Variants in MED16 observed in about 807,000 individuals in gnomAD.
The protein encoded by MED16 is mediator of RNA polymerase II transcription subunit 16.
In MED16, 81 loss-of-function variants were observed where a neutral mutation model predicts 84.4. The ratio of observed to expected loss-of-function variants is 0.96; its 90% CI spans 0.80 to 1.15. MED16 has a LOEUF of 1.15. Ranked by LOEUF, MED16 falls within the 50% of genes most tolerant of loss-of-function variation. The probability of loss-of-function intolerance (pLI) is 0.00; values close to 1 mark genes in which losing one functional copy is unlikely to be tolerated. For synonymous variants in MED16, 897 were observed against 552.2 expected, an observed-to-expected ratio of 1.62 and a Z score of -8.76; for missense variants, 1,585 against 1,245.9, an observed-to-expected ratio of 1.27 and a Z score of -4.10.
rs78057637 is a variant in MED16, at chr19:872,136, C to A, written c.1906-18G>T. On this transcript the variant is annotated intron_variant, in intron 11 of 15. Transcript: ENST00000325464. Reference sequence around the variant, plus strand: ...AGGGAACCCTGCCCGAAAGAGGCATCGGTGTGGCTGGGGCGGCGGGGGGCA... The same window carrying A: ...AGGGAACCCTGCCCGAAAGAGGCATAGGTGTGGCTGGGGCGGCGGGGGGCA... 2 of 1,566,930 alleles carry A rather than the reference C, an allele frequency of 1.3e-6. No homozygotes were observed. Among genetic ancestry groups the A allele is most frequent in the African/African-American group, 1.4e-5 (1 of 71,948 alleles).
chr19:887,396 G>A (rs749557040), intron 4 of MED16, among the ~76,000 whole-genome samples: 12 of 152,120 alleles, frequency 7.9e-5, no homozygotes, highest in Non-Finnish European at 1.3e-4. Flanking sequence ...GGCCGGACGC[G>A]GTGGCTCACG....
Position 873,330 on chromosome 19 carries a change from CGGGACTCCAACT to C in MED16, c.1905+107_1905+118del, listed in dbSNP as rs2036142443. 48 of 252,352 alleles carry C rather than the reference CGGGACTCCAACT, an allele frequency of 1.9e-4. 1 individual carries two copies. The East Asian group carries it at 5.7e-3, about 30-fold the overall frequency. 15.6% of individuals were successfully genotyped at this position (252,352 alleles called of 1,614,324 possible). On this transcript the variant is annotated intron_variant, in intron 11 of 15. Coordinates refer to ENST00000325464, the MANE Select transcript of MED16 (RefSeq NM_005481.3). ...GTAGGGGCGGGACTCCAAGTAGGGG[CGGGACTCCAACT>C]AGGGGCGGGGCTGAGGTGGTTTTGA... is the stretch of plus-strand genomic sequence containing the variant.
At chr19:891,228 A>C in intron 1 of MED16, 79 bp from the exon 2 acceptor site, 1 of 1,396,324 alleles carries the variant, frequency 7.2e-7, no homozygotes, top group Non-Finnish European at 9.8e-7. Context: ...AGAAGTGGGA[A>C]AACAATGGAG....
intron 10 of MED16, among the ~76,000 whole-genome samples, chr19:875,031 G>A (rs1568322986): frequency 6.6e-6 from 1 of 152,154 alleles, no homozygotes; most frequent in African/African-American, 2.4e-5. Context: ...GGGCGTGGTG[G>A]CACGTGCCTG....
chr19:869,891 G>A (rs923740376), intron 13 of MED16, among the ~76,000 whole-genome samples: 1 of 152,204 alleles, frequency 6.6e-6, no homozygotes, highest in Non-Finnish European at 1.5e-5. Context: ...GCCACTTCCT[G>A]ACCGCGTGAC....
rs79354198 is a variant in MED16, at chr19:868,507, G to T, written c.2400-8C>A. 4.3e-4 allele frequency: 695 copies of T among 1,609,204 alleles called. 4 individuals carry two copies. The East Asian group carries it at 0.01, about 24-fold the overall frequency. The stretch of plus-strand genomic sequence containing the variant: ...ATGGTGACACAGCCGCACCTGCGGG[G>T]AGGCAGGCACTGAGCGGGTTCCCAC... On this transcript the variant is annotated splice_polypyrimidine_tract_variant and splice_region_variant and intron_variant, in intron 14 of 15. Coordinates refer to ENST00000325464, the MANE Select transcript of MED16 (RefSeq NM_005481.3).
intron 6 of MED16, among the ~76,000 whole-genome samples, 192 bp downstream of exon 6, chr19:884,711 A>G (rs1044445269): frequency 1.3e-5 from 2 of 152,150 alleles, no homozygotes; most frequent in African/African-American, 4.8e-5. Flanking sequence ...CTATACGCCT[A>G]ACACACTCAG....
At chr19:889,152 C>A (rs989539247) in intron 4 of MED16, among the ~76,000 whole-genome samples, 2 of 137,848 alleles carry the variant, frequency 1.5e-5, no homozygotes, top group Admixed American at 1.4e-4. Flanking sequence ...TCTTAACTGT[C>A]CCCCCCAACC....
In MED16 at chr19:875,254, G is replaced by A. The variant is rs775669011; in HGVS notation, c.1761C>T (p.Ile587=). 31 of 1,607,264 alleles carry A rather than the reference G, an allele frequency of 1.9e-5. No individual in the cohort carries two copies. In the Middle Eastern group the frequency reaches 1.8e-3, roughly 95 times the overall value. ...GDRLTEICTK[I]TDVDIDKVMI... ...TGGAAAAGGACCCACCGACGTCGGT[G>A]ATCTTGGTGCAGATCTCGGTCAGCC... Residue 587 remains isoleucine, a synonymous_variant, in exon 10 of 16, where the codon ATC becomes ATT. Transcript: ENST00000325464.
At chr19:871,366 C>G (rs1568318697) in intron 12 of MED16, 113 bp from the exon 13 acceptor site, 1 of 1,338,472 alleles carries the variant, frequency 7.5e-7, no homozygotes, top group African/African-American at 1.5e-5. Flanking sequence ...GGCCCCAGCT[C>G]TGTCTGCCTG....
At position 870,969 on chromosome 19, in the gene MED16, G is replaced by A. The variant is rs930539818; in HGVS notation, c.2315+68C>T. ...TGCAGGGAGGGAGCCGTGTGGATTCGGGGGTCCCGGGGCAGGACACGGAGG... is the reference window on the plus strand; with the variant it reads ...TGCAGGGAGGGAGCCGTGTGGATTCAGGGGTCCCGGGGCAGGACACGGAGG... On this transcript the variant is annotated intron_variant, in intron 13 of 15. Transcript: ENST00000325464. 2.5e-5 allele frequency: 34 copies of A among 1,386,368 alleles called. No individual in the cohort carries two copies. In the East Asian group the frequency reaches 5.3e-4, roughly 22 times the overall value. The allele number at this position is 1,386,368 out of a possible 1,614,324, so 85.9% of individuals were successfully genotyped here.
At position 880,156 on chromosome 19, in the gene MED16, G is replaced by C. The variant is rs2036390071; in HGVS notation, c.1142-8C>G. The C allele has an allele frequency of 6.2e-7, 1 of 1,604,054 alleles. No homozygotes were observed. The highest frequency in any genetic ancestry group is 2.2e-5 in the East Asian group (1 of 44,722). ...GGAAGGCCAGGGCCAGCCCTGTGGG[G>C]CACAGGCACTGCTTAGACATGGGCA... On this transcript the variant is annotated splice_region_variant and splice_polypyrimidine_tract_variant and intron_variant, in intron 7 of 15. Transcript: ENST00000325464.
chr19:876,489 G>A (rs555082373), intron 9 of MED16, among the ~76,000 whole-genome samples: 1 of 152,266 alleles, frequency 6.6e-6, no homozygotes, highest in East Asian at 1.9e-4. Context: ...TGGGAACACT[G>A]GAGAGGGGAG....
At position 868,401 on chromosome 19, in the gene MED16, C is replaced by T. The variant is rs1319777046; in HGVS notation, c.2483+15G>A. ...GGGGTAGCTGAGGGGCACCCGCCACCAGAGCCCACCGCACAGGCAGTTCTT... is the reference window on the plus strand; with the variant it reads ...GGGGTAGCTGAGGGGCACCCGCCACTAGAGCCCACCGCACAGGCAGTTCTT... On this transcript the variant is annotated intron_variant, in intron 15 of 15. Coordinates refer to ENST00000325464, the MANE Select transcript of MED16 (RefSeq NM_005481.3). 6.8e-6 allele frequency: 11 copies of T among 1,608,518 alleles called. No individual in the cohort carries two copies. The highest frequency in any genetic ancestry group is 6.8e-6 in the Non-Finnish European group (8 of 1,179,792).
At chr19:869,551 C>A (rs185697844) in intron 13 of MED16, among the ~76,000 whole-genome samples, 1 of 152,172 alleles carries the variant, frequency 6.6e-6, no homozygotes, top group Non-Finnish European at 1.5e-5. Flanking sequence ...GAAACCCAAA[C>A]CCTCGTGTGT....
At chr19:889,325 C>T (rs1470659778) in intron 4 of MED16, among the ~76,000 whole-genome samples, 1 of 152,156 alleles carries the variant, frequency 6.6e-6, no homozygotes, top group African/African-American at 2.4e-5. Context: ...ATGCAGCTAC[C>T]TAAGGACAGT....
rs1413628051 is a variant in MED16 at position 879,949 on chromosome 19, G to A, written c.1341C>T (p.Asp447=). ...SWTSLALVGI[D]SHGKLSVLRL... ...CCCAGCAGCTCACCTTCCCGTGGCTGTCAATCCCCACCAGGGCCAGTGACG... is the reference window on the plus strand; with the variant it reads ...CCCAGCAGCTCACCTTCCCGTGGCTATCAATCCCCACCAGGGCCAGTGACG... The change falls in exon 8 of 16, where the codon GAC becomes GAT. Residue 447 remains aspartate, a synonymous_variant. Coordinates refer to ENST00000325464, the MANE Select transcript of MED16 (RefSeq NM_005481.3). 8 of 1,603,746 alleles carry A rather than the reference G, an allele frequency of 5.0e-6. No homozygotes were observed. Among genetic ancestry groups the A allele is most frequent in the African/African-American group, 1.3e-5 (1 of 74,732 alleles).
intron 6 of MED16, among the ~76,000 whole-genome samples, chr19:883,068 T>G (rs553335868): frequency 6.6e-6 from 1 of 152,284 alleles, no homozygotes; most frequent in African/African-American, 2.4e-5. Context: ...CCCCAGCTAG[T>G]GGCCAGGGTA....
intron 9 of MED16, 98 bp downstream of exon 9, chr19:876,875 CG>C (rs1321506010): frequency 8.0e-7 from 1 of 1,245,188 alleles, no homozygotes; most frequent in Non-Finnish European, 1.1e-6. Flanking sequence ...CCACCTGCCA[CG>C]GGGCCCCCAC....
Sources: gnomAD v4.1 joint callset for allele counts (sites outside exome capture counted in the v4.1 genomes callset) on GRCh38, gnomAD v4.1.1 for gene constraint, MANE v1.5 for transcripts, NCBI Gene and HGNC (gene_info 2026-07-23, HGNC 2026-07-21) for gene names.